Variants in DOK6 observed in about 807,000 individuals in gnomAD.
DOK6 encodes the protein downstream of tyrosine kinase 6.
In DOK6, 22 loss-of-function variants were observed where a neutral mutation model predicts 44.0. The observed-to-expected ratio is 0.50, with a 90% CI of 0.36 to 0.71. The LOEUF is 0.71. Ranked by LOEUF, DOK6 falls within the 30% of genes least tolerant of loss-of-function variation. DOK6 has a pLI of 0.00. For missense variants in DOK6, 340 were observed against 416.4 expected (o/e 0.82, Z 1.60); for synonymous variants, 166 against 145.5 (o/e 1.14, Z -1.01).
intron 3 of DOK6, among the ~76,000 whole-genome samples, chr18:69,627,182 G>A (rs1984576317): frequency 6.6e-6 from 1 of 152,094 alleles, no homozygotes; most frequent in East Asian, 1.9e-4. Flanking sequence ...AAACAGCAGT[G>A]CCAAGAAGCA....
chr18:69,533,258 A>G (rs966625905), intron 1 of DOK6, among the ~76,000 whole-genome samples: 3 of 152,160 alleles, frequency 2.0e-5, no homozygotes, highest in African/African-American at 7.2e-5. Flanking sequence ...TTGCTCACTA[A>G]TAACATAACT....
chr18:69,587,838 T>C (rs201189739), intron 2 of DOK6, among the ~76,000 whole-genome samples: 4 of 152,142 alleles, frequency 2.6e-5, no homozygotes, highest in African/African-American at 9.7e-5. Flanking sequence ...CCTATATTTC[T>C]ATATACTGAT....
At chr18:69,790,962 T>C (rs1356302269) in intron 7 of DOK6, among the ~76,000 whole-genome samples, 3 of 137,418 alleles carry the variant, frequency 2.2e-5, no homozygotes, top group Non-Finnish European at 4.7e-5. Context: ...ACCACCATTC[T>C]ACTCTCTATC....
chr18:69,404,239 G>T (rs1916155252), intron 1 of DOK6, among the ~76,000 whole-genome samples: 1 of 152,196 alleles, frequency 6.6e-6, no homozygotes, highest in Middle Eastern at 3.2e-3. Context: ...CCTCTAGGTA[G>T]CAAGTCAGCC....
At chr18:69,680,400 G>T (rs898819072) in intron 4 of DOK6, among the ~76,000 whole-genome samples, 12 of 152,228 alleles carry the variant, frequency 7.9e-5, no homozygotes, top group Non-Finnish European at 1.6e-4. Context: ...GGTTCGTCAA[G>T]TCTGCACCCC....
chr18:69,549,791 A>G (rs1189256581), intron 1 of DOK6, among the ~76,000 whole-genome samples: 1 of 151,372 alleles, frequency 6.6e-6, no homozygotes, highest in South Asian at 2.1e-4. Flanking sequence ...TAGTCTGTAG[A>G]GCTTAATGAA....
chr18:69,465,007 C>T (rs539588147), intron 1 of DOK6, among the ~76,000 whole-genome samples: 27 of 152,112 alleles, frequency 1.8e-4, no homozygotes, highest in Non-Finnish European at 3.5e-4. Context: ...TTATTTAATA[C>T]TAATAAACGA....
At chr18:69,650,057 G>A (rs1985182733) in intron 3 of DOK6, among the ~76,000 whole-genome samples, 1 of 151,940 alleles carries the variant, frequency 6.6e-6, no homozygotes, top group South Asian at 2.1e-4. Context: ...GAAAGGACAA[G>A]GCAAGACTTT....
intron 1 of DOK6, among the ~76,000 whole-genome samples, chr18:69,537,778 C>T (rs2144578529): frequency 6.6e-6 from 1 of 152,234 alleles, no homozygotes; most frequent in Non-Finnish European, 1.5e-5. Flanking sequence ...GCCAAAATTC[C>T]AGTAAAATCT....
At chr18:69,766,206 A>G (rs988665554) in intron 7 of DOK6, among the ~76,000 whole-genome samples, 51 of 152,230 alleles carry the variant, frequency 3.4e-4, no homozygotes, top group African/African-American at 1.2e-3. Flanking sequence ...TGGGAGCTAA[A>G]CATTGGTTAC....
At chr18:69,503,993 T>G (rs544024708) in intron 1 of DOK6, among the ~76,000 whole-genome samples, 1 of 152,188 alleles carries the variant, frequency 6.6e-6, no homozygotes, top group South Asian at 2.1e-4. Flanking sequence ...ATGACTCAGA[T>G]AATTTTTTAT....
At chr18:69,475,617 G>A (rs1362945295) in intron 1 of DOK6, among the ~76,000 whole-genome samples, 1 of 152,082 alleles carries the variant, frequency 6.6e-6, no homozygotes, top group Non-Finnish European at 1.5e-5. Flanking sequence ...AAACAAGAAA[G>A]CTCTATTTTT....
intron 3 of DOK6, among the ~76,000 whole-genome samples, chr18:69,673,108 T>G (rs963074748): frequency 6.6e-6 from 1 of 152,130 alleles, no homozygotes; most frequent in African/African-American, 2.4e-5. Flanking sequence ...CTAGATACAA[T>G]GATTTATTAT....
intron 2 of DOK6, among the ~76,000 whole-genome samples, chr18:69,584,866 AG>A (rs1247092484): frequency 6.6e-6 from 1 of 151,910 alleles, no homozygotes; most frequent in Non-Finnish European, 1.5e-5. Flanking sequence ...ATTAATATAT[AG>A]TTGTTTAGAA....
At chr18:69,709,859 T>G (rs1986718732) in intron 5 of DOK6, among the ~76,000 whole-genome samples, 1 of 152,220 alleles carries the variant, frequency 6.6e-6, no homozygotes, top group African/African-American at 2.4e-5. Flanking sequence ...TATAACTTCT[T>G]GGCCACTTGA....
chr18:69,444,678 C>T (rs921417576), intron 1 of DOK6, among the ~76,000 whole-genome samples: 1 of 142,208 alleles, frequency 7.0e-6, no homozygotes, highest in East Asian at 2.0e-4. Context: ...GAATCTCACT[C>T]TGTCCCCCAG....
intron 7 of DOK6, among the ~76,000 whole-genome samples, chr18:69,802,253 G>A (rs1235075772): frequency 6.6e-6 from 1 of 152,088 alleles, no homozygotes; most frequent in Non-Finnish European, 1.5e-5. Context: ...AATATACATA[G>A]TGTCTGATTT....
rs561271223 is a variant in DOK6 at position 69,489,784 on chromosome 18, G to T, written c.67-74703G>T. 8.4e-4 allele frequency among the ~76,000 whole-genome samples: 128 copies of T among 152,242 alleles called. 2 individuals carry two copies. The highest frequency in any genetic ancestry group is 2.8e-3 in the African/African-American group (116 of 41,542). Reference sequence around the variant, plus strand: ...TACACGATTTGGTATGTCTTAGGTTGATATTTTATTAGCTGACACAAGTTA... The same window carrying T: ...TACACGATTTGGTATGTCTTAGGTTTATATTTTATTAGCTGACACAAGTTA... On this transcript the variant is annotated intron_variant, in intron 1 of 7. Transcript: ENST00000382713.
intron 1 of DOK6, among the ~76,000 whole-genome samples, chr18:69,557,104 G>A (rs1982705431): frequency 6.6e-6 from 1 of 152,102 alleles, no homozygotes; most frequent in Admixed American, 6.6e-5. Context: ...ATGGTATCTT[G>A]CTTTCAGAAC....
Sources: gnomAD v4.1 joint callset for allele counts (sites outside exome capture counted in the v4.1 genomes callset) on GRCh38, gnomAD v4.1.1 for gene constraint, MANE v1.5 for transcripts, NCBI Gene and HGNC (gene_info 2026-07-23, HGNC 2026-07-21) for gene names.